Variants in SGCZ observed in about 807,000 individuals in gnomAD.
SGCZ encodes the protein zeta-sarcoglycan.
A neutral mutation model predicts 41.3 loss-of-function variants in SGCZ; 40 were observed. The observed-to-expected ratio is 0.97, with a 90% CI of 0.75 to 1.26. The LOEUF is 1.26. Ranked by LOEUF, SGCZ falls within the 50% of genes most tolerant of loss-of-function variation. SGCZ has a pLI of 0.00. For missense variants in SGCZ, 552 were observed against 369.8 expected (o/e 1.49, Z -4.04); for synonymous variants, 206 against 137.5 (o/e 1.50, Z -3.49).
Position 14,086,269 on chromosome 8 carries a change from A to T in SGCZ, c.*4174T>A, listed in dbSNP as rs1463936348. On this transcript the variant is annotated 3_prime_UTR_variant, in exon 8 of 8. Transcript: ENST00000382080. ...ATTAAATACTTTCAATGATTTTAAT[A>T]ATTTAACATTATTATGTTGACATTC... Among the ~76,000 whole-genome samples the T allele has an allele frequency of 6.6e-6, 1 of 151,742 alleles. No homozygotes were observed. Among genetic ancestry groups the T allele is most frequent in the Non-Finnish European group, 1.5e-5 (1 of 67,774 alleles).
chr8:14,412,661 T>C (rs190983149), intron 2 of SGCZ, among the ~76,000 whole-genome samples: 2,228 of 152,150 alleles, frequency 0.015, 63 homozygotes, highest in African/African-American at 0.049. Context: ...TGCTATTCAT[T>C]TCAATAAGGA....
At chr8:14,202,721 C>A (rs10090772) in intron 4 of SGCZ, among the ~76,000 whole-genome samples, 107,795 of 152,006 alleles carry the variant, frequency 0.71, 39,022 homozygotes, top group African/African-American at 0.84. Context: ...AAATTGAATT[C>A]TTTTTTGTGG....
At position 14,246,829 on chromosome 8, in the gene SGCZ, G is replaced by A. The variant is rs981611467; in HGVS notation, c.337-9150C>T. 9.9e-4 allele frequency among the ~76,000 whole-genome samples: 141 copies of A among 143,058 alleles called. 2 individuals carry two copies. Among genetic ancestry groups the A allele is most frequent in the Admixed American group, 2.1e-3 (28 of 13,646 alleles). 93.9% of individuals were successfully genotyped at this position (143,058 alleles called of 152,430 possible). On this transcript the variant is annotated intron_variant, in intron 3 of 7. Transcript: ENST00000382080. Reference sequence around the variant, plus strand: ...GGAGGCTGAGGCAGTAGAATGGCATGAACCCGGGAGGCAGAGCTTGCAGTG... The same window carrying A: ...GGAGGCTGAGGCAGTAGAATGGCATAAACCCGGGAGGCAGAGCTTGCAGTG...
chr8:14,731,909 C>G (rs750914449), intron 1 of SGCZ, among the ~76,000 whole-genome samples: 1 of 152,122 alleles, frequency 6.6e-6, no homozygotes, highest in Non-Finnish European at 1.5e-5. Context: ...GACCTATTAT[C>G]ATGTTAATAA....
At chr8:14,948,865 G>A (rs955371961) in intron 1 of SGCZ, among the ~76,000 whole-genome samples, 1 of 120,306 alleles carries the variant, frequency 8.3e-6, no homozygotes, top group Admixed American at 8.5e-5. Context: ...CTTTAACCCT[G>A]TTACAGCTTT....
intron 3 of SGCZ, among the ~76,000 whole-genome samples, chr8:14,298,613 G>C (rs962089210): frequency 4.0e-5 from 6 of 151,684 alleles, no homozygotes; most frequent in African/African-American, 1.2e-4. Context: ...TATATACTCA[G>C]AACAAAATTT....
chr8:14,880,483 G>T (rs770087524), intron 1 of SGCZ, among the ~76,000 whole-genome samples: 17 of 152,242 alleles, frequency 1.1e-4, no homozygotes, highest in South Asian at 4.1e-4. Context: ...AAATCATGCT[G>T]CTATAAAGAC....
intron 3 of SGCZ, among the ~76,000 whole-genome samples, chr8:14,283,060 A>C (rs1800503997): frequency 6.6e-6 from 1 of 151,824 alleles, no homozygotes; most frequent in East Asian, 1.9e-4. Flanking sequence ...CGTGTTAGCC[A>C]GGATGCTCTC....
chr8:14,702,968 GATA>G (rs1809215960), intron 1 of SGCZ, among the ~76,000 whole-genome samples: 3 of 112,398 alleles, frequency 2.7e-5, no homozygotes, highest in African/African-American at 6.7e-5. Context: ...TAGATAGATA[GATA>G]GACAGACAGA....
At chr8:14,937,312 C>G (rs778229663) in intron 1 of SGCZ, among the ~76,000 whole-genome samples, 6 of 151,952 alleles carry the variant, frequency 3.9e-5, no homozygotes, top group African/African-American at 7.2e-5. Context: ...AAAGATAACT[C>G]ACCAACATCA....
chr8:15,125,184 T>C (rs1025108419), intron 1 of SGCZ, among the ~76,000 whole-genome samples: 1 of 152,140 alleles, frequency 6.6e-6, no homozygotes, highest in African/African-American at 2.4e-5. Flanking sequence ...AAGGAGATGA[T>C]CGAATTACAA....
chr8:14,884,994 C>T (rs1804734397), intron 1 of SGCZ, among the ~76,000 whole-genome samples: 2 of 152,104 alleles, frequency 1.3e-5, no homozygotes, highest in African/African-American at 4.8e-5. Flanking sequence ...ATTCTCCACC[C>T]ACTGCCATGA....
intron 1 of SGCZ, among the ~76,000 whole-genome samples, chr8:15,032,349 C>T (rs111601303): frequency 3.3e-5 from 5 of 152,196 alleles, no homozygotes; most frequent in African/African-American, 7.2e-5. Flanking sequence ...TTTTACATGA[C>T]GCACATCAGC....
intron 1 of SGCZ, among the ~76,000 whole-genome samples, chr8:15,031,846 G>T (rs979734031): frequency 6.6e-6 from 1 of 151,312 alleles, no homozygotes; most frequent in African/African-American, 2.4e-5. Flanking sequence ...CAGTCGGCCA[G>T]CGCTATTTTC....
At chr8:14,294,197 T>C (rs1375645620) in intron 3 of SGCZ, among the ~76,000 whole-genome samples, 3 of 151,860 alleles carry the variant, frequency 2.0e-5, no homozygotes, top group East Asian at 1.9e-4. Context: ...TATTTGGAAG[T>C]TTTTTAATGA....
At chr8:14,337,537 T>C in intron 2 of SGCZ, among the ~76,000 whole-genome samples, 1 of 152,040 alleles carries the variant, frequency 6.6e-6, no homozygotes, top group East Asian at 1.9e-4. Context: ...CTCCCGGAAG[T>C]ATGGGAAAAG....
At chr8:14,105,805 A>T (rs990219212) in intron 6 of SGCZ, among the ~76,000 whole-genome samples, 4 of 152,276 alleles carry the variant, frequency 2.6e-5, no homozygotes, top group Non-Finnish European at 5.9e-5. Flanking sequence ...TGTCAGCAAG[A>T]TAATTAAAAT....
chr8:14,656,020 G>A (rs1337095880), intron 1 of SGCZ, among the ~76,000 whole-genome samples: 2 of 152,064 alleles, frequency 1.3e-5, no homozygotes, highest in Non-Finnish European at 2.9e-5. Context: ...GCACATCAGG[G>A]TTGCTTCCAG....
At chr8:14,294,265 T>G (rs114613314) in intron 3 of SGCZ, among the ~76,000 whole-genome samples, 1,822 of 151,972 alleles carry the variant, frequency 0.012, 41 homozygotes, top group African/African-American at 0.04. Context: ...TGAGCTTCAT[T>G]TGGGAGAGAG....
Sources: allele counts gnomAD v4.1 joint callset (sites outside exome capture counted in the v4.1 genomes callset), GRCh38; gene constraint gnomAD v4.1.1; transcripts MANE v1.5; gene names NCBI Gene and HGNC (gene_info 2026-07-23, HGNC 2026-07-21).